SORCS1: variants seen among roughly 807,000 people sequenced by gnomAD.
SORCS1 encodes the protein VPS10 domain-containing receptor SorCS1.
A neutral mutation model predicts 146.1 loss-of-function variants in SORCS1; 60 were observed. That is an observed-to-expected ratio of 0.41 (90% CI 0.33 to 0.51). SORCS1 has a LOEUF of 0.51. SORCS1 is among the 20% of genes least tolerant of loss of function. The probability of loss-of-function intolerance (pLI) is 0.21; values close to 1 mark genes in which losing one functional copy is unlikely to be tolerated. For synonymous variants in SORCS1, 637 were observed against 584.0 expected (o/e 1.09, Z -1.31); for missense variants, 1,352 against 1,487.6 (o/e 0.91, Z 1.50).
At chr10:106,930,258 G>A (rs1953344431) in intron 2 of SORCS1, among the ~76,000 whole-genome samples, 1 of 151,834 alleles carries the variant, frequency 6.6e-6, no homozygotes, top group South Asian at 2.1e-4. Context: ...CCCCAGCCTG[G>A]GCGACAGAGC....
chr10:106,771,892 T>C (rs1466531952), intron 4 of SORCS1, among the ~76,000 whole-genome samples: 4 of 152,200 alleles, frequency 2.6e-5, no homozygotes, highest in Non-Finnish European at 5.9e-5. Context: ...AGGCTACTTA[T>C]TTAAGAATTT....
intron 2 of SORCS1, among the ~76,000 whole-genome samples, chr10:106,843,429 CTTT>C (rs141378677): frequency 1.0e-4 from 12 of 116,802 alleles, no homozygotes; most frequent in African/African-American, 3.7e-4. Flanking sequence ...GCAGGATTTC[CTTT>C]TTTTTTTTTT....
intron 10 of SORCS1, among the ~76,000 whole-genome samples, chr10:106,684,594 G>T (rs1852686431): frequency 1.3e-5 from 2 of 152,186 alleles, no homozygotes; most frequent in South Asian, 4.1e-4. Flanking sequence ...CAGTCTAAAA[G>T]TCCTAAAAAT....
chr10:106,577,077 A>T lies in SORCS1; in HGVS notation c.*343T>A. 1 of 607,748 alleles carries T rather than the reference A, an allele frequency of 1.6e-6. No homozygotes were observed. The highest frequency in any genetic ancestry group is 2.5e-6 in the Non-Finnish European group (1 of 404,378). The allele number at this position is 607,748 out of a possible 1,614,324, so 37.6% of individuals were successfully genotyped here. On this transcript the variant is annotated 3_prime_UTR_variant, in exon 26 of 26. Coordinates refer to ENST00000263054, the MANE Select transcript of SORCS1 (RefSeq NM_052918.5). ...GAGTATTGTCCACATGCACAGGCTT[A>T]AAGCTAAAAACCCTTGTTGTCTGTG...
At chr10:106,856,618 A>T (rs1339779060) in intron 2 of SORCS1, among the ~76,000 whole-genome samples, 2 of 152,212 alleles carry the variant, frequency 1.3e-5, no homozygotes, top group Non-Finnish European at 2.9e-5. Flanking sequence ...CCCTGCTGGA[A>T]GTACGAAGGT....
intron 1 of SORCS1, among the ~76,000 whole-genome samples, chr10:107,054,905 A>G (rs1960454491): frequency 6.6e-6 from 1 of 152,222 alleles, no homozygotes; most frequent in Non-Finnish European, 1.5e-5. Flanking sequence ...GTGGTATCAC[A>G]TTTGTTGAGC....
intron 1 of SORCS1, among the ~76,000 whole-genome samples, chr10:107,156,244 A>C (rs189445003): frequency 2.1e-3 from 323 of 152,334 alleles, no homozygotes; most frequent in Non-Finnish European, 3.4e-3. Context: ...AACCCATACA[A>C]AGCATGATTT....
chr10:106,674,880 C>T (rs1851909616), intron 14 of SORCS1, among the ~76,000 whole-genome samples, 169 bp downstream of exon 14: 1 of 152,092 alleles, frequency 6.6e-6, no homozygotes, highest in African/African-American at 2.4e-5. Context: ...ATCAGAGAAC[C>T]AAGAAAATAG....
intron 1 of SORCS1, among the ~76,000 whole-genome samples, chr10:106,973,089 G>A (rs76743399): frequency 0.29 from 43,774 of 151,946 alleles, 6,436 homozygotes; most frequent in Middle Eastern, 0.36. Context: ...CCCTCAGCAG[G>A]TATAAAACAT....
intron 6 of SORCS1, among the ~76,000 whole-genome samples, chr10:106,720,059 T>C (rs1187652345): frequency 6.6e-6 from 1 of 152,202 alleles, no homozygotes; most frequent in Non-Finnish European, 1.5e-5. Flanking sequence ...GATGGCCCTC[T>C]TTCTCTGATC....
intron 1 of SORCS1, among the ~76,000 whole-genome samples, chr10:107,008,485 C>T (rs1439030873): frequency 1.3e-5 from 2 of 152,158 alleles, no homozygotes; most frequent in East Asian, 3.8e-4. Flanking sequence ...GGCTTCATCA[C>T]ATGAAAGATG....
intron 2 of SORCS1, among the ~76,000 whole-genome samples, chr10:106,924,083 C>T (rs1409287304): frequency 2.0e-5 from 3 of 152,034 alleles, no homozygotes; most frequent in Non-Finnish European, 4.4e-5. Context: ...GGAGAAACCC[C>T]ATCTCTACTA....
chr10:106,625,211 TGTGTG>T lies in SORCS1; in HGVS notation c.2662+3986_2662+3990del, dbSNP rs1292482712. On this transcript the variant is annotated intron_variant, in intron 19 of 25. Coordinates refer to ENST00000263054, the MANE Select transcript of SORCS1 (RefSeq NM_052918.5). ...CACATTGTGTGATTCTGTGTGTGTG[TGTGTG>T]TGTGTGTGTGTGTGTGTGTGTGTGT... Among the ~76,000 whole-genome samples the T allele has an allele frequency of 4.2e-5, 5 of 117,872 alleles. No homozygotes were observed. The East Asian group carries it at 1.7e-3, about 40-fold the overall frequency. 77.3% of individuals were successfully genotyped at this position (117,872 alleles called of 152,430 possible).
At chr10:106,915,460 C>T (rs1448580278) in intron 2 of SORCS1, among the ~76,000 whole-genome samples, 2 of 152,102 alleles carry the variant, frequency 1.3e-5, no homozygotes, top group African/African-American at 4.8e-5. Context: ...TATTTGCCCA[C>T]TCCTTCCCCT....
chr10:106,579,195 A>T, intron 25 of SORCS1, 174 bp downstream of exon 25: 2 of 1,614,094 alleles, frequency 1.2e-6, no homozygotes, highest in Non-Finnish European at 8.5e-7. Context: ...TGGACTGATC[A>T]TCTCTTGTTC....
chr10:106,738,784 G>A (rs1857146940), intron 5 of SORCS1, among the ~76,000 whole-genome samples: 1 of 152,156 alleles, frequency 6.6e-6, no homozygotes, highest in African/African-American at 2.4e-5. Context: ...TTGACTCCAG[G>A]AGTTTGAGAC....
Position 107,038,280 on chromosome 10 carries a change from C to G in SORCS1, c.559-81700G>C, listed in dbSNP as rs183136932. Reference sequence around the variant, plus strand: ...AAAGAAAAACAAATTTCTCCTACAGCTGTAGAAAACATGTAGGAAAAACGT... The same window carrying G: ...AAAGAAAAACAAATTTCTCCTACAGGTGTAGAAAACATGTAGGAAAAACGT... On this transcript the variant is annotated intron_variant, in intron 1 of 25. Coordinates refer to ENST00000263054, the MANE Select transcript of SORCS1 (RefSeq NM_052918.5). Among the ~76,000 whole-genome samples the G allele has an allele frequency of 6.1e-4, 93 of 151,762 alleles. 2 individuals are homozygous for G. Among genetic ancestry groups the G allele is most frequent in the Middle Eastern group, 3.4e-3 (1 of 294 alleles).
intron 18 of SORCS1, among the ~76,000 whole-genome samples, chr10:106,641,556 G>T (rs942144816): frequency 6.6e-6 from 1 of 152,092 alleles, no homozygotes; most frequent in Non-Finnish European, 1.5e-5. Context: ...ACCATGTTTT[G>T]ACTGTTTTTC....
intron 1 of SORCS1, chr10:106,970,279 GAGT>G (rs10548275): frequency 0.047 from 7,081 of 149,814 alleles, 525 homozygotes; most frequent in African/African-American, 0.16. Flanking sequence ...TAAGAATTCT[GAGT>G]AGTCTTCCTT....
Sources: gnomAD v4.1 joint callset for allele counts (sites outside exome capture counted in the v4.1 genomes callset) on GRCh38, gnomAD v4.1.1 for gene constraint, MANE v1.5 for transcripts, NCBI Gene and HGNC (gene_info 2026-07-23, HGNC 2026-07-21) for gene names.